The following EPB41L4B variants were observed in gnomAD, a reference collection of about 807,000 sequenced individuals.
EPB41L4B encodes erythrocyte membrane protein band 4.1 like 4B.
In EPB41L4B, 30 loss-of-function variants were observed where a neutral mutation model predicts 112.5. The observed-to-expected ratio is 0.27, with a 90% CI of 0.20 to 0.36. The LOEUF (loss-of-function observed/expected upper bound fraction) is 0.36, where lower values mean the gene tolerates loss of function less well. EPB41L4B is among the 10% of genes least tolerant of loss of function. EPB41L4B has a pLI of 1.00. For missense variants in EPB41L4B, 1,024 were observed against 1,133.3 expected (o/e 0.90, Z 1.38); for synonymous variants, 408 against 439.7 (o/e 0.93, Z 0.90).
At chr9:109,226,613 TATATATATATATATATGAAGA>T (rs1248241985) in intron 15 of EPB41L4B, among the ~76,000 whole-genome samples, 2 of 101,592 alleles carry the variant, frequency 2.0e-5, no homozygotes, top group African/African-American at 3.8e-5. Flanking sequence ...TTTTCATATA[TATATATATATATATATGAAGA>T]ATATATATAT....
intron 15 of EPB41L4B, among the ~76,000 whole-genome samples, chr9:109,223,748 G>A (rs1421703934): frequency 6.6e-6 from 1 of 152,192 alleles, no homozygotes; most frequent in African/African-American, 2.4e-5. Flanking sequence ...GCCGGGCACG[G>A]TGGGTCACAC....
intron 1 of EPB41L4B, among the ~76,000 whole-genome samples, chr9:109,316,093 TG>T (rs2119288692): frequency 6.6e-6 from 1 of 152,328 alleles, no homozygotes; most frequent in South Asian, 2.1e-4. Flanking sequence ...CATCCCCATT[TG>T]AAAGATCAGG....
chr9:109,287,022 T>C (rs955573139), intron 1 of EPB41L4B, among the ~76,000 whole-genome samples: 3 of 152,218 alleles, frequency 2.0e-5, no homozygotes, highest in South Asian at 2.1e-4. Flanking sequence ...ACTGGTGTTT[T>C]TGAGTCAGTC....
At position 109,320,470 on chromosome 9, in the gene EPB41L4B, T is replaced by G; in HGVS notation, c.-24A>C. ...ATCCTGGCTGGGGGCGCCCCCTGCCTCCGCCCCCTGCGCTGCCGCTGCCGC... is the reference window on the plus strand; with the variant it reads ...ATCCTGGCTGGGGGCGCCCCCTGCCGCCGCCCCCTGCGCTGCCGCTGCCGC... On this transcript the variant is annotated 5_prime_UTR_variant, in exon 1 of 26. Transcript: ENST00000374566. 1 of 959,026 alleles carries G rather than the reference T, an allele frequency of 1.0e-6. No homozygotes were observed. The highest frequency in any genetic ancestry group is 1.9e-5 in the African/African-American group (1 of 52,380). 59.4% of individuals were successfully genotyped at this position (959,026 alleles called of 1,614,324 possible).
chr9:109,312,139 G>C (rs938363094), intron 1 of EPB41L4B, among the ~76,000 whole-genome samples: 1 of 152,112 alleles, frequency 6.6e-6, no homozygotes, highest in Admixed American at 6.5e-5. Context: ...AATGTGGATG[G>C]GGAGGAGAAA....
intron 15 of EPB41L4B, chr9:109,239,921 C>G: frequency 2.0e-6 from 2 of 985,436 alleles, no homozygotes; most frequent in Non-Finnish European, 2.4e-6. Context: ...CTGTGACAGG[C>G]AGGACAACCT....
chr9:109,269,561 C>G (rs550610914), intron 2 of EPB41L4B, among the ~76,000 whole-genome samples: 31 of 152,296 alleles, frequency 2.0e-4, no homozygotes, highest in African/African-American at 6.7e-4. Flanking sequence ...CTGTGCCAGG[C>G]ACAAGATATG....
intron 1 of EPB41L4B, 55 bp downstream of exon 1, chr9:109,320,086 G>A (rs957775051): frequency 4.4e-6 from 6 of 1,353,820 alleles, no homozygotes; most frequent in Non-Finnish European, 5.8e-6. Context: ...GGGGGAGGGG[G>A]AGCTGCCTCC....
intron 24 of EPB41L4B, among the ~76,000 whole-genome samples, chr9:109,178,531 G>C (rs200359085): frequency 6.6e-6 from 1 of 151,944 alleles, no homozygotes; most frequent in Non-Finnish European, 1.5e-5. Context: ...GCCTGCCACC[G>C]CACTCAGCTA....
chr9:109,302,392 T>C (rs1241854625), intron 1 of EPB41L4B, among the ~76,000 whole-genome samples: 2 of 152,242 alleles, frequency 1.3e-5, no homozygotes, highest in Admixed American at 6.5e-5. Flanking sequence ...ACCAGTCATA[T>C]TGGATTAGGG....
At chr9:109,281,479 G>A (rs1018699385) in intron 1 of EPB41L4B, among the ~76,000 whole-genome samples, 2 of 152,146 alleles carry the variant, frequency 1.3e-5, no homozygotes, top group African/African-American at 4.8e-5. Context: ...GAGGCGGGCA[G>A]ATCACTTGAG....
chr9:109,269,305 A>T (rs1400692729), intron 2 of EPB41L4B, among the ~76,000 whole-genome samples: 1 of 152,214 alleles, frequency 6.6e-6, no homozygotes, highest in Non-Finnish European at 1.5e-5. Context: ...CAATGAGGGC[A>T]TTTTAACTTC....
chr9:109,217,195 G>A (rs1833407080), intron 15 of EPB41L4B, 50 bp from the exon 16 acceptor site: 1 of 1,561,014 alleles, frequency 6.4e-7, no homozygotes, highest in Non-Finnish European at 8.8e-7. Flanking sequence ...TGCCTTGCAA[G>A]CCCTCTGTGT....
At chr9:109,212,011 T>C (rs1218874373) in intron 17 of EPB41L4B, among the ~76,000 whole-genome samples, 1 of 152,020 alleles carries the variant, frequency 6.6e-6, no homozygotes, top group Non-Finnish European at 1.5e-5. Context: ...TGAACCACCA[T>C]GCCAGGCCAA....
chr9:109,295,266 C>T (rs1025094502), intron 1 of EPB41L4B, among the ~76,000 whole-genome samples: 1 of 152,152 alleles, frequency 6.6e-6, no homozygotes, highest in Non-Finnish European at 1.5e-5. Flanking sequence ...AAGCTAAGTT[C>T]TTAGCTTTGA....
chr9:109,244,432 G>GT (rs1834468895), intron 14 of EPB41L4B, among the ~76,000 whole-genome samples: 1 of 99,220 alleles, frequency 1.0e-5, no homozygotes, highest in Non-Finnish European at 1.9e-5. Flanking sequence ...GTTGAAGGTT[G>GT]TCTTTTTTTT....
At chr9:109,314,415 C>T (rs563911688) in intron 1 of EPB41L4B, among the ~76,000 whole-genome samples, 4 of 152,256 alleles carry the variant, frequency 2.6e-5, no homozygotes, top group Admixed American at 1.3e-4. Context: ...AGATTATGCA[C>T]GTGAAAGTGC....
chr9:109,176,545 A>G lies in EPB41L4B; in HGVS notation c.2633+6T>C, dbSNP rs1385163038. ...TTACCTGTCGGAACCTGCTGACCTGACCTACCTGGCTGCCAGAGAAACAGG... is the reference window on the plus strand; with the variant it reads ...TTACCTGTCGGAACCTGCTGACCTGGCCTACCTGGCTGCCAGAGAAACAGG... On this transcript the variant is annotated splice_donor_region_variant and intron_variant, in intron 25 of 25. Transcript: ENST00000374566. 2 of 1,604,912 alleles carry G rather than the reference A, an allele frequency of 1.2e-6. No individual in the cohort carries two copies. Among genetic ancestry groups the G allele is most frequent in the African/African-American group, 1.3e-5 (1 of 74,560 alleles).
chr9:109,308,002 C>T (rs1229575172), intron 1 of EPB41L4B, among the ~76,000 whole-genome samples: 1 of 152,158 alleles, frequency 6.6e-6, no homozygotes, highest in African/African-American at 2.4e-5. Flanking sequence ...AGGCCTTTCG[C>T]CGCCTCCAGA....
Sources: gnomAD v4.1 joint callset for allele counts (sites outside exome capture counted in the v4.1 genomes callset) on GRCh38, gnomAD v4.1.1 for gene constraint, MANE v1.5 for transcripts, NCBI Gene and HGNC (gene_info 2026-07-23, HGNC 2026-07-21) for gene names.